The following CFAP44 variants were observed in gnomAD, a reference collection of about 807,000 sequenced individuals.
CFAP44 encodes the protein cilia- and flagella-associated protein 44.
In CFAP44, 134 loss-of-function variants were observed where a neutral mutation model predicts 216.2. The observed-to-expected ratio is 0.62, with a 90% confidence interval of 0.54 to 0.72. CFAP44 has a LOEUF of 0.72. Ranked by LOEUF, CFAP44 falls within the 30% of genes least tolerant of loss-of-function variation. CFAP44 has a pLI of 0.00. For missense variants in CFAP44, 2,035 were observed against 2,182.1 expected, an observed-to-expected ratio of 0.93 and a Z score of 1.34; for synonymous variants, 700 against 727.6, an observed-to-expected ratio of 0.96 and a Z score of 0.61.
intron 13 of CFAP44, 39 bp downstream of exon 13, chr3:113,399,867 C>A: frequency 1.4e-6 from 2 of 1,386,376 alleles, no homozygotes; most frequent in Admixed American, 2.3e-5. Context: ...ACCATATTTA[C>A]CAATAGATTC....
intron 34 of CFAP44, chr3:113,293,932 G>A (rs1949855604): frequency 4.4e-6 from 2 of 454,900 alleles, no homozygotes; most frequent in Middle Eastern, 3.6e-4. Context: ...GTACAACTGG[G>A]TTGGGGCCTT....
At chr3:113,352,537 T>C (rs1159632619) in intron 22 of CFAP44, among the ~76,000 whole-genome samples, 2 of 152,030 alleles carry the variant, frequency 1.3e-5, no homozygotes, top group Admixed American at 1.3e-4. Context: ...CACATAAAAA[T>C]TAAAAATTCT....
chr3:113,398,513 A>C (rs1242636803), intron 13 of CFAP44, among the ~76,000 whole-genome samples: 3 of 152,226 alleles, frequency 2.0e-5, no homozygotes, highest in Non-Finnish European at 4.4e-5. Flanking sequence ...TTACACGATC[A>C]TCTGAATAAA....
chr3:113,365,893 A>C, intron 19 of CFAP44, 146 bp downstream of exon 19: 1 of 853,662 alleles, frequency 1.2e-6, no homozygotes, highest in South Asian at 2.4e-5. Flanking sequence ...AGCACCAGAA[A>C]GTCAAATTAT....
Position 113,394,525 on chromosome 3 carries a change from A to C in CFAP44, c.1890+1225T>G, listed in dbSNP as rs141321505. ...TTGGTCATATCCTACCAATTTCTCA[A>C]AATCAAGGTACAATAATACAAAATA... On this transcript the variant is annotated intron_variant, in intron 15 of 34. Coordinates refer to ENST00000393845, the MANE Select transcript of CFAP44 (RefSeq NM_001164496.2). Among the ~76,000 whole-genome samples the C allele has an allele frequency of 1.9e-3, 291 of 152,306 alleles. 2 individuals carry two copies. Among genetic ancestry groups the C allele is most frequent in the African/African-American group, 5.7e-3 (238 of 41,564 alleles).
chr3:113,396,725 T>C lies in CFAP44; in HGVS notation c.1572A>G (p.Val524=). 1 of 1,613,244 alleles carries C rather than the reference T, an allele frequency of 6.2e-7. No individual in the cohort carries two copies. The highest frequency in any genetic ancestry group is 8.5e-7 in the Non-Finnish European group (1 of 1,179,606). ...CAATAATTTGTGCTCCAGTGAAGTT[T>C]ACCTTGGAGAAAATTAAAGATAAGG... is the stretch of plus-strand genomic sequence containing the variant. ...GTALVWVPRM[V]NFTGAQIIVG... The change falls in exon 14 of 35, where the codon GTA becomes GTG. Residue 524 remains valine, a splice_region_variant and synonymous_variant. Transcript: ENST00000393845.
At chr3:113,422,822 A>T (rs1270284523) in intron 4 of CFAP44, among the ~76,000 whole-genome samples, 1 of 152,194 alleles carries the variant, frequency 6.6e-6, no homozygotes, top group East Asian at 1.9e-4. Context: ...GAATTGGAGA[A>T]ATTATCATTT....
chr3:113,409,067 G>T, intron 7 of CFAP44, 39 bp downstream of exon 7: 2 of 1,206,142 alleles, frequency 1.7e-6, no homozygotes, highest in Non-Finnish European at 1.2e-6. Flanking sequence ...AAATACTCCT[G>T]TGATATCTAC....
rs978356870 is a variant in CFAP44 at position 113,362,950 on chromosome 3, G to T, written c.2934+195C>A. ...GATGTAAAACAATTTGTGTCAACAA[G>T]AATCTTAACTGATTAAAAGGGATAA... On this transcript the variant is annotated intron_variant, in intron 21 of 34. Coordinates refer to ENST00000393845, the MANE Select transcript of CFAP44 (RefSeq NM_001164496.2). 15 of 1,310,866 alleles carry T rather than the reference G, an allele frequency of 1.1e-5. No individual in the cohort carries two copies. The South Asian group carries it at 3.4e-4, about 30-fold the overall frequency. The allele number at this position is 1,310,866 out of a possible 1,614,324, so 81.2% of individuals were successfully genotyped here.
Position 113,327,623 on chromosome 3 carries a change from T to C in CFAP44, c.4313A>G (p.Tyr1438Cys). The change falls in exon 27 of 35, where the codon TAC becomes TGC. Residue 1438 changes from tyrosine to cysteine, a missense_variant. Physicochemically the swap from Tyr to Cys is radical, Grantham distance 194. Transcript: ENST00000393845. ...TCTTCTGCCCACTCATACTTGCATG[T>C]ACTGTTCCTCTTTGTCTAAGGAATT... Reference protein sequence around the residue: ...RVNSLDKEEQYMQWKINETLK... With the variant: ...RVNSLDKEEQCMQWKINETLK... 2 of 1,536,784 alleles carry C rather than the reference T, an allele frequency of 1.3e-6. No homozygotes were observed. Among genetic ancestry groups the C allele is most frequent in the African/African-American group, 1.4e-5 (1 of 73,168 alleles).
Position 113,379,792 on chromosome 3 carries a change from T to C in CFAP44, c.2053-241A>G, listed in dbSNP as rs190932484. Among the ~76,000 whole-genome samples the C allele has an allele frequency of 2.6e-3, 393 of 152,336 alleles. 1 individual carries two copies. Among genetic ancestry groups the C allele is most frequent in the Non-Finnish European group, 3.9e-3 (268 of 68,032 alleles). On this transcript the variant is annotated intron_variant, in intron 16 of 34. Coordinates refer to ENST00000393845, the MANE Select transcript of CFAP44 (RefSeq NM_001164496.2). ...TATAGAAATTATTTGGTCATTTTTT[T>C]CATAATAGAGAAGCTAAATATAACT...
intron 28 of CFAP44, among the ~76,000 whole-genome samples, chr3:113,315,529 T>C (rs542856405): frequency 6.6e-6 from 1 of 152,234 alleles, no homozygotes; most frequent in South Asian, 2.1e-4. Flanking sequence ...AACAACTACA[T>C]AGAAAAGCAG....
chr3:113,373,532 A>G lies in CFAP44; in HGVS notation c.2323T>C (p.Tyr775His). Residue 775 changes from tyrosine (Y) to histidine (H), a missense_variant, in exon 18 of 35, where the codon TAT (tyrosine) becomes CAT (histidine). Tyr to His is a moderately conservative substitution (Grantham distance 83). Transcript: ENST00000393845. ...SLGGYDSGFL[Y>H]HCEFPPCDES... ...TCACAAGGGGGGAACTCACAGTGAT[A>G]TAGAAAACCAGAATCATAGCCACCC... The G allele has an allele frequency of 6.3e-7, 1 of 1,595,326 alleles. No individual in the cohort carries two copies. The highest frequency in any genetic ancestry group is 8.5e-7 in the Non-Finnish European group (1 of 1,170,344).
At chr3:113,388,107 C>T (rs779252782) in intron 15 of CFAP44, among the ~76,000 whole-genome samples, 6 of 152,116 alleles carry the variant, frequency 3.9e-5, no homozygotes, top group Admixed American at 2.0e-4. Context: ...ACCTGCCTGA[C>T]GATCTCACCA....
At chr3:113,373,896 C>T (rs762401929) in intron 17 of CFAP44, among the ~76,000 whole-genome samples, 2 of 152,022 alleles carry the variant, frequency 1.3e-5, no homozygotes, top group Non-Finnish European at 2.9e-5. Flanking sequence ...TAGGGTTTTG[C>T]AGTTCCTCGT....
intron 17 of CFAP44, among the ~76,000 whole-genome samples, chr3:113,376,283 G>T (rs1933342130): frequency 6.6e-6 from 1 of 152,218 alleles, no homozygotes; most frequent in Non-Finnish European, 1.5e-5. Context: ...TGGTTTAAAA[G>T]TAATGTCTTG....
intron 2 of CFAP44, among the ~76,000 whole-genome samples, chr3:113,428,355 G>A (rs1438608615): frequency 5.9e-5 from 9 of 152,282 alleles, no homozygotes; most frequent in Non-Finnish European, 1.0e-4. Context: ...AGGAGAAGAC[G>A]TAATAAAAAA....
At chr3:113,319,407 C>T (rs952441252) in intron 28 of CFAP44, among the ~76,000 whole-genome samples, 6 of 152,154 alleles carry the variant, frequency 3.9e-5, no homozygotes, top group African/African-American at 1.4e-4. Context: ...TATATATGCA[C>T]CCAACATTGG....
At chr3:113,418,057 A>ATTTATTTATTT (rs1559943098) in intron 5 of CFAP44, among the ~76,000 whole-genome samples, 8 of 148,952 alleles carry the variant, frequency 5.4e-5, no homozygotes, top group East Asian at 2.0e-4. Flanking sequence ...ATTGAGACAC[A>ATTTATTTATTT]ATTTATTTAT....
Sources: allele counts gnomAD v4.1 joint callset (sites outside exome capture counted in the v4.1 genomes callset), GRCh38; gene constraint gnomAD v4.1.1; transcripts MANE v1.5; gene names NCBI Gene and HGNC (gene_info 2026-07-23, HGNC 2026-07-21).